SPATA6: variants seen among roughly 807,000 people sequenced by gnomAD.
SPATA6 encodes the protein spermatogenesis-associated protein 6.
A neutral mutation model predicts 65.3 loss-of-function variants in SPATA6; 56 were observed. That is an observed-to-expected ratio of 0.86 (90% confidence interval 0.69 to 1.07). The LOEUF (loss-of-function observed/expected upper bound fraction) is 1.07. Among genes scored for constraint, SPATA6 ranks in the 50% least tolerant of loss-of-function variants. The pLI is 0.00. For synonymous variants in SPATA6, 199 were observed against 213.2 expected (o/e 0.93, Z 0.58); for missense variants, 590 against 594.8 (o/e 0.99, Z 0.08).
rs573439745 is a variant in SPATA6, at chr1:48,438,405, C to T, written c.238+13147G>A. ...AGTTAAAAGCGACTAGCGCAGCCGCCGGACTAAAGACCCAGTTGTCAGGCT... is the reference window on the plus strand; with the variant it reads ...AGTTAAAAGCGACTAGCGCAGCCGCTGGACTAAAGACCCAGTTGTCAGGCT... On this transcript the variant is annotated intron_variant, in intron 3 of 12. Coordinates refer to ENST00000371847, the MANE Select transcript of SPATA6 (RefSeq NM_019073.4). 1.3e-4 allele frequency among the ~76,000 whole-genome samples: 20 copies of T among 152,274 alleles called. No homozygotes were observed. The South Asian group carries it at 2.5e-3, about 19-fold the overall frequency.
At chr1:48,412,531 T>C (rs1652343594) in intron 4 of SPATA6, among the ~76,000 whole-genome samples, 1 of 152,238 alleles carries the variant, frequency 6.6e-6, no homozygotes, top group Non-Finnish European at 1.5e-5. Flanking sequence ...AATCTTTCTG[T>C]ATATATTATT....
the SPATA6 span, among the ~76,000 whole-genome samples, chr1:48,274,609 A>G: frequency 5.9e-5 from 9 of 152,062 alleles, no homozygotes; most frequent in Non-Finnish European, 2.9e-5. Flanking sequence ...TCATTTCCCC[A>G]TTTCTTGTTT....
the SPATA6 span, among the ~76,000 whole-genome samples, chr1:48,282,330 A>C: frequency 1.6e-4 from 25 of 152,342 alleles, no homozygotes; most frequent in Non-Finnish European, 2.8e-4. Flanking sequence ...CAAAATTGAC[A>C]AATGGGATCT....
intron 1 of SPATA6, among the ~76,000 whole-genome samples, chr1:48,458,913 G>C (rs1375218763): frequency 6.6e-6 from 1 of 152,052 alleles, no homozygotes; most frequent in Non-Finnish European, 1.5e-5. Flanking sequence ...CACTTTAAAA[G>C]GGAACATTTC....
chr1:48,395,160 A>T, intron 8 of SPATA6, 107 bp downstream of exon 8: 1 of 763,252 alleles, frequency 1.3e-6, no homozygotes, highest in Non-Finnish European at 1.9e-6. Context: ...ATACAATATT[A>T]TCCAATAATG....
chr1:48,336,818 G>T (rs998619584), intron 11 of SPATA6, among the ~76,000 whole-genome samples: 2 of 151,758 alleles, frequency 1.3e-5, no homozygotes, highest in African/African-American at 4.8e-5. Flanking sequence ...AAATGCATAG[G>T]AAGATATCAT....
At chr1:48,396,863 C>A (rs1650642863) in intron 7 of SPATA6, among the ~76,000 whole-genome samples, 1 of 151,374 alleles carries the variant, frequency 6.6e-6, no homozygotes, top group African/African-American at 2.4e-5. Flanking sequence ...TGTATAACAA[C>A]ATGAATATAT....
chr1:48,278,534 T>C, the SPATA6 span, among the ~76,000 whole-genome samples: 1 of 152,148 alleles, frequency 6.6e-6, no homozygotes, highest in Non-Finnish European at 1.5e-5. Flanking sequence ...ACATGAAGAA[T>C]GCAGAAGCCT....
the SPATA6 span, among the ~76,000 whole-genome samples, chr1:48,261,391 AG>A: frequency 6.6e-6 from 1 of 152,160 alleles, no homozygotes; most frequent in African/African-American, 2.4e-5. Context: ...TTCAGAACTT[AG>A]AGTTCACATA....
chr1:48,285,298 C>A, the SPATA6 span, among the ~76,000 whole-genome samples: 1 of 151,848 alleles, frequency 6.6e-6, no homozygotes, highest in African/African-American at 2.4e-5. Context: ...TCAAGTGTCC[C>A]AGGTTGACTT....
intron 3 of SPATA6, among the ~76,000 whole-genome samples, chr1:48,439,659 C>A (rs191768432): frequency 1.9e-4 from 29 of 152,324 alleles, no homozygotes; most frequent in African/African-American, 7.0e-4. Flanking sequence ...CAAACCAAAA[C>A]CACCGGCGTT....
rs148228409 is a variant in SPATA6 at position 48,388,609 on chromosome 1, G to A, written c.869-3260C>T. ...TAAAAGAATCAGAAAAATAATGCAGGACGTGAATGAAACTTTTACGAAGGA... is the reference window on the plus strand; with the variant it reads ...TAAAAGAATCAGAAAAATAATGCAGAACGTGAATGAAACTTTTACGAAGGA... On this transcript the variant is annotated intron_variant, in intron 8 of 12. Transcript: ENST00000371847. 4.6e-3 allele frequency among the ~76,000 whole-genome samples: 691 copies of A among 151,824 alleles called. 4 individuals are homozygous for A. Among genetic ancestry groups the A allele is most frequent in the African/African-American group, 0.015 (617 of 41,468 alleles).
At chr1:48,279,324 C>T in the SPATA6 span, among the ~76,000 whole-genome samples, 1 of 152,146 alleles carries the variant, frequency 6.6e-6, no homozygotes, top group East Asian at 1.9e-4. Flanking sequence ...CAAATTCACA[C>T]ATAACGATAT....
At chr1:48,425,205 A>G (rs1480275572) in intron 3 of SPATA6, among the ~76,000 whole-genome samples, 1 of 152,184 alleles carries the variant, frequency 6.6e-6, no homozygotes, top group Non-Finnish European at 1.5e-5. Context: ...ACTCTTTTGC[A>G]TATAGATACC....
At chr1:48,263,423 C>G in the SPATA6 span, among the ~76,000 whole-genome samples, 1 of 152,012 alleles carries the variant, frequency 6.6e-6, no homozygotes. Flanking sequence ...ATTTAGAAGC[C>G]ATATTTATTT....
chr1:48,449,318 G>A (rs1219379637), intron 3 of SPATA6, among the ~76,000 whole-genome samples: 1 of 152,160 alleles, frequency 6.6e-6, no homozygotes, highest in African/African-American at 2.4e-5. Context: ...GCTGCCTGGA[G>A]CCAAATTATC....
intron 11 of SPATA6, among the ~76,000 whole-genome samples, chr1:48,306,175 G>A (rs1645057706): frequency 6.6e-6 from 1 of 151,942 alleles, no homozygotes; most frequent in Non-Finnish European, 1.5e-5. Flanking sequence ...GTCATGATAT[G>A]TAAATTAACA....
chr1:48,366,776 T>C (rs1647031241), intron 9 of SPATA6, among the ~76,000 whole-genome samples: 1 of 152,182 alleles, frequency 6.6e-6, no homozygotes, highest in Non-Finnish European at 1.5e-5. Context: ...TTTGAAGGGT[T>C]TTTTGTGTCT....
chr1:48,462,041 G>GTA (rs1419667129), intron 1 of SPATA6, among the ~76,000 whole-genome samples: 2 of 152,176 alleles, frequency 1.3e-5, no homozygotes, highest in African/African-American at 4.8e-5. Flanking sequence ...CATGTCCTTT[G>GTA]TAGGGACATG....
Sources: gnomAD v4.1 joint callset for allele counts (sites outside exome capture counted in the v4.1 genomes callset) on GRCh38, gnomAD v4.1.1 for gene constraint, MANE v1.5 for transcripts, NCBI Gene and HGNC (gene_info 2026-07-23, HGNC 2026-07-21) for gene names.